The following EVC2 variants were observed in gnomAD, a reference collection of about 807,000 sequenced individuals.
The protein encoded by EVC2 is EvC ciliary complex subunit 2, also known as limbin.
A neutral mutation model predicts 149.3 loss-of-function variants in EVC2; 148 were observed. The ratio of observed to expected loss-of-function variants is 0.99; its 90% CI spans 0.87 to 1.14. EVC2 has a LOEUF of 1.14. EVC2 is among the 50% of genes most tolerant of loss of function. The pLI is 0.00. For synonymous variants in EVC2, 776 were observed against 649.9 expected (o/e 1.19, Z -2.95); for missense variants, 1,854 against 1,627.3 (o/e 1.14, Z -2.40).
chr4:5,558,911 G>A (rs1011421673), downstream of EVC2, among the ~76,000 whole-genome samples: 1 of 152,110 alleles, frequency 6.6e-6, no homozygotes, highest in African/African-American at 2.4e-5. Flanking sequence ...AGAGGAGAAG[G>A]GCCAGGTGTG....
At chr4:5,608,780 G>A (rs760789561) in intron 16 of EVC2, among the ~76,000 whole-genome samples, 25 of 151,990 alleles carry the variant, frequency 1.6e-4, no homozygotes, top group Non-Finnish European at 3.2e-4. Context: ...TGATTCACCC[G>A]CCTCGGCATC....
intron 17 of EVC2, among the ~76,000 whole-genome samples, chr4:5,579,039 G>A (rs1274590985): frequency 6.6e-6 from 1 of 152,158 alleles, no homozygotes; most frequent in East Asian, 1.9e-4. Flanking sequence ...AAGGTCCAGG[G>A]GCTAAAATGC....
chr4:5,640,382 AT>A lies in EVC2; in HGVS notation c.1470+131del. On this transcript the variant is annotated intron_variant, in intron 10 of 21. Coordinates refer to ENST00000344408, the MANE Select transcript of EVC2 (RefSeq NM_147127.5). This position sits in a 1 kb window ranked among gnomAD's most constrained non-coding sequence, Gnocchi z 4.6. ...AATGAATGGAAGGATGAATAGATGA[AT>A]GAGTGGGTGGTTGGATGGATGATGG... 2 of 1,031,702 alleles carry A rather than the reference AT, an allele frequency of 1.9e-6. No individual in the cohort carries two copies. Among genetic ancestry groups the A allele is most frequent in the Non-Finnish European group, 3.0e-6 (2 of 655,960 alleles). The allele number at this position is 1,031,702 out of a possible 1,614,324, so 63.9% of individuals were successfully genotyped here.
intron 9 of EVC2, among the ~76,000 whole-genome samples, chr4:5,642,524 T>G (rs545922278): frequency 6.6e-6 from 1 of 152,336 alleles, no homozygotes; most frequent in Non-Finnish European, 1.5e-5. Flanking sequence ...TTGGATTACT[T>G]GCAAATTACA....
rs148835899 is a variant in EVC2, at chr4:5,624,252, A to G, written c.2047-1261T>C. ...TCTTTATAACAGTGGGTCCACAGAT[A>G]GTCTCGGTTCTATTTGGAGAGAACA... On this transcript the variant is annotated intron_variant, in intron 13 of 21. Transcript: ENST00000344408. 7.0e-4 allele frequency among the ~76,000 whole-genome samples: 106 copies of G among 152,358 alleles called. 1 individual carries two copies. The South Asian group carries it at 0.016, about 22-fold the overall frequency.
At chr4:5,541,610 C>T (rs114451587), downstream of EVC2, among the ~76,000 whole-genome samples, 401 of 152,274 alleles carry the variant, frequency 2.6e-3, no homozygotes, top group African/African-American at 8.6e-3. Context: ...CACCTTCCTA[C>T]CATGGCTTGA....
At chr4:5,666,309 ATAT>A (rs1436461360) in intron 7 of EVC2, among the ~76,000 whole-genome samples, 1 of 151,774 alleles carries the variant, frequency 6.6e-6, no homozygotes, top group Non-Finnish European at 1.5e-5. Flanking sequence ...TTAAAAGACA[ATAT>A]TATTATGATT....
intron 16 of EVC2, among the ~76,000 whole-genome samples, chr4:5,615,111 G>A (rs1715142534): frequency 6.6e-6 from 1 of 152,186 alleles, no homozygotes; most frequent in South Asian, 2.1e-4. Flanking sequence ...ACACGCCCCA[G>A]GATAGAGCCA....
At chr4:5,666,604 T>A (rs901670754) in intron 7 of EVC2, among the ~76,000 whole-genome samples, 10 of 152,222 alleles carry the variant, frequency 6.6e-5, no homozygotes, top group African/African-American at 2.4e-4. Context: ...ATTTACTTTT[T>A]CTTAAAGTCA....
intron 6 of EVC2, among the ~76,000 whole-genome samples, chr4:5,684,703 C>A (rs1720574833): frequency 6.6e-6 from 1 of 152,094 alleles, no homozygotes; most frequent in Non-Finnish European, 1.5e-5. Flanking sequence ...GACTGTGTTT[C>A]CCAAAATTTA....
intron 7 of EVC2, among the ~76,000 whole-genome samples, chr4:5,668,981 G>A (rs1719455436): frequency 6.6e-6 from 1 of 152,204 alleles, no homozygotes; most frequent in South Asian, 2.1e-4. Flanking sequence ...GTCTTCATGA[G>A]GAGAGGGAGA....
intron 1 of EVC2, among the ~76,000 whole-genome samples, chr4:5,704,168 G>T (rs536381345): frequency 2.6e-5 from 4 of 152,332 alleles, no homozygotes; most frequent in Admixed American, 2.0e-4. Flanking sequence ...TACTCAAGGG[G>T]AGATGCAAGG....
chr4:5,684,628 G>A (rs7669389), intron 6 of EVC2, among the ~76,000 whole-genome samples: 4,952 of 152,276 alleles, frequency 0.033, 269 homozygotes, highest in African/African-American at 0.11. Context: ...CATTCACTGC[G>A]TAAGTGAACC....
chr4:5,627,997 A>G (rs1000123852), intron 12 of EVC2, among the ~76,000 whole-genome samples: 4 of 152,140 alleles, frequency 2.6e-5, no homozygotes, highest in African/African-American at 4.8e-5. Context: ...TATACAGACT[A>G]TTGCAACTAT....
At chr4:5,615,782 T>A (rs1444815112) in intron 15 of EVC2, among the ~76,000 whole-genome samples, 1 of 152,170 alleles carries the variant, frequency 6.6e-6, no homozygotes, top group Non-Finnish European at 1.5e-5. Flanking sequence ...AGAGGGAGCC[T>A]GCTGGGCAGA....
chr4:5,552,923 C>G (rs1355370179), intron 21 of EVC2, among the ~76,000 whole-genome samples: 2 of 152,188 alleles, frequency 1.3e-5, no homozygotes, highest in South Asian at 2.1e-4. Flanking sequence ...AGGCACGATA[C>G]AGTAGTTCCA....
chr4:5,661,584 TA>T (rs565009919), intron 9 of EVC2, among the ~76,000 whole-genome samples: 11 of 152,064 alleles, frequency 7.2e-5, no homozygotes, highest in Non-Finnish European at 1.3e-4. Flanking sequence ...AATAAAAAAA[TA>T]AGATTGAGAT....
At chr4:5,543,398 A>G (rs1370029517) in intron 21 of EVC2, among the ~76,000 whole-genome samples, 1 of 152,256 alleles carries the variant, frequency 6.6e-6, no homozygotes, top group African/African-American at 2.4e-5. Context: ...TGAAATCCAT[A>G]GAAGACACAA....
At chr4:5,563,167 G>A in intron 21 of EVC2, 52 bp from the exon 22 acceptor site, 3 of 1,551,468 alleles carry the variant, frequency 1.9e-6, no homozygotes, top group Non-Finnish European at 2.6e-6. Context: ...TGAACCCTCT[G>A]GAGTGTTCTG....
Sources: allele counts gnomAD v4.1 joint callset (sites outside exome capture counted in the v4.1 genomes callset), GRCh38; gene constraint gnomAD v4.1.1; non-coding constraint Gnocchi (gnomAD v3.1); transcripts MANE v1.5; gene names NCBI Gene and HGNC (gene_info 2026-07-23, HGNC 2026-07-21).